The following UBLCP1 variants were observed in gnomAD, a reference collection of about 807,000 sequenced individuals.
UBLCP1 encodes the protein ubiquitin like domain containing CTD phosphatase 1, also known as ubiquitin-like domain-containing CTD phosphatase 1.
UBLCP1 carries 28 observed loss-of-function variants against 42.4 expected under a neutral mutation model. The observed-to-expected ratio is 0.66, with a 90% CI of 0.49 to 0.90. The LOEUF is 0.90. UBLCP1 is among the 40% of genes least tolerant of loss of function. The pLI is 0.00. For missense variants in UBLCP1, 279 were observed against 374.5 expected (o/e 0.75, Z 2.10); for synonymous variants, 122 against 120.8 (o/e 1.01, Z -0.07).
chr5:159,272,236 T>G (rs1211723360), intron 6 of UBLCP1, 115 bp downstream of exon 6: 11 of 836,650 alleles, frequency 1.3e-5, no homozygotes, highest in Non-Finnish European at 2.0e-5. Flanking sequence ...TAGTTTTCAT[T>G]TTTTAGCAAA....
rs1285452627 is a variant in UBLCP1, at chr5:159,284,970, T to G, written c.*39T>G. ...TGGCAGTTATTGAAGATACTTAAGA[T>G]CCAAGAACTTCTTGCTTTTATGCTA... On this transcript the variant is annotated 3_prime_UTR_variant, in exon 11 of 11. Coordinates refer to ENST00000296786, the MANE Select transcript of UBLCP1 (RefSeq NM_145049.5). 3.8e-6 allele frequency: 6 copies of G among 1,597,028 alleles called. No homozygotes were observed. In the African/African-American group the frequency reaches 8.1e-5, roughly 21 times the overall value.
intron 5 of UBLCP1, 138 bp from the exon 6 acceptor site, chr5:159,271,885 A>G (rs1219338908): frequency 1.5e-5 from 8 of 543,546 alleles, no homozygotes; most frequent in Non-Finnish European, 6.3e-6. Context: ...TTGTCAGCCA[A>G]CGTAATTCAG....
rs1163666904 is a variant in UBLCP1, at chr5:159,285,252, G to T, written c.*321G>T. 5.2e-6 allele frequency: 1 copy of T among 192,316 alleles called. No individual in the cohort carries two copies. The highest frequency in any genetic ancestry group is 1.2e-4 in the East Asian group (1 of 8,436). The allele number at this position is 192,316 out of a possible 1,614,324, so 11.9% of individuals were successfully genotyped here. A position where few individuals can be genotyped will look rare whatever the true frequency, so the allele number is the denominator to read the frequency against. On this transcript the variant is annotated 3_prime_UTR_variant, in exon 11 of 11. Coordinates refer to ENST00000296786, the MANE Select transcript of UBLCP1 (RefSeq NM_145049.5). The stretch of plus-strand genomic sequence containing the variant: ...CACACACACACACACACAAAGTGGA[G>T]AAAAATGTATACTCAACAATGTCAT...
chr5:159,281,750 T>C (rs1325037406), intron 9 of UBLCP1, among the ~76,000 whole-genome samples: 1 of 152,178 alleles, frequency 6.6e-6, no homozygotes, highest in Non-Finnish European at 1.5e-5. Context: ...TTAATAGGTA[T>C]GGTAGTAGAC....
At chr5:159,284,562 T>C (rs1753647012) in intron 10 of UBLCP1, among the ~76,000 whole-genome samples, 1 of 152,186 alleles carries the variant, frequency 6.6e-6, no homozygotes, top group South Asian at 2.1e-4. Flanking sequence ...AGTAAGGCAG[T>C]ATGGAGTGGT....
intron 1 of UBLCP1, among the ~76,000 whole-genome samples, chr5:159,263,720 CAGTT>C (rs1191301638): frequency 6.6e-6 from 1 of 152,208 alleles, no homozygotes; most frequent in Non-Finnish European, 1.5e-5. Context: ...TCCCCTAAGT[CAGTT>C]AGCACAGCCC....
chr5:159,263,886 C>G (rs891684901), intron 1 of UBLCP1, among the ~76,000 whole-genome samples: 4 of 152,190 alleles, frequency 2.6e-5, no homozygotes, highest in African/African-American at 4.8e-5. Flanking sequence ...AAAATTTCTT[C>G]ATTTGCCACT....
chr5:159,278,365 C>G lies in UBLCP1; in HGVS notation c.801+11C>G. Reference sequence around the variant, plus strand: ...CAGAATGGACTAAAGGTAAGACATACTTTTACTTGTTATGTGCTCATGTAA... The same window carrying G: ...CAGAATGGACTAAAGGTAAGACATAGTTTTACTTGTTATGTGCTCATGTAA... On this transcript the variant is annotated intron_variant, in intron 9 of 10. Transcript: ENST00000296786. The G allele has an allele frequency of 1.3e-6, 2 of 1,550,706 alleles. No homozygotes were observed. The highest frequency in any genetic ancestry group is 1.8e-6 in the Non-Finnish European group (2 of 1,122,346).
chr5:159,271,879 C>T (rs1753471039), intron 5 of UBLCP1, 144 bp from the exon 6 acceptor site: 1 of 513,942 alleles, frequency 1.9e-6, no homozygotes, highest in East Asian at 3.0e-5. Context: ...ATCTTTTTGT[C>T]AGCCAACGTA....
intron 9 of UBLCP1, 124 bp from the exon 10 acceptor site, chr5:159,283,088 A>G (rs1397957660): frequency 5.1e-5 from 50 of 974,506 alleles, no homozygotes; most frequent in Non-Finnish European, 2.6e-5. Flanking sequence ...TATAAAAGTA[A>G]TTTTTAGTAT....
chr5:159,283,376 C>T, intron 10 of UBLCP1, 37 bp downstream of exon 10: 1 of 1,493,440 alleles, frequency 6.7e-7, no homozygotes, highest in Non-Finnish European at 9.0e-7. Context: ...CTCTTTACAT[C>T]AATGAAGAAA....
At chr5:159,264,143 A>G (rs1028128498) in intron 1 of UBLCP1, among the ~76,000 whole-genome samples, 2 of 152,214 alleles carry the variant, frequency 1.3e-5, no homozygotes, top group Admixed American at 6.5e-5. Context: ...TGTTGAGAAG[A>G]CTGAGGCCAA....
chr5:159,270,619 C>A lies in UBLCP1; in HGVS notation c.424C>A (p.Leu142Ile). The change falls in exon 5 of 11, where the codon CTA becomes ATA. Residue 142 changes from leucine (L) to isoleucine (I), a missense_variant. By Grantham distance (5) the Leu-to-Ile change is conservative. Coordinates refer to ENST00000296786, the MANE Select transcript of UBLCP1 (RefSeq NM_145049.5). ...CAGGGAAGGGAAAAAGCTTTTGGTG[C>A]TAGATGTTGATTATACATTATTTGG... ...PPREGKKLLV[L>I]DVDYTLFDHR... is the part of the protein sequence containing the mutation. 1 of 1,606,502 alleles carries A rather than the reference C, an allele frequency of 6.2e-7. No homozygotes were observed.
In UBLCP1 at chr5:159,284,848, T is replaced by A. The variant is rs908540717; in HGVS notation, c.930-56T>A. ...AACTCCTTTGGGAGCAAAGTTAGGT[T>A]ATCTTCATGAATTTAGCATGATACA... On this transcript the variant is annotated intron_variant, in intron 10 of 10. Coordinates refer to ENST00000296786, the MANE Select transcript of UBLCP1 (RefSeq NM_145049.5). 4.4e-6 allele frequency: 7 copies of A among 1,591,402 alleles called. No homozygotes were observed. In the Admixed American group the frequency reaches 1.2e-4, roughly 27 times the overall value.
rs577431493 is a variant in UBLCP1, at chr5:159,277,426, G to T, written c.685-812G>T. ...TATTACATTCTGTTCTCATAATACCGTAAGACTTCTGTCTTCAGCAAAAGT... is the reference window on the plus strand; with the variant it reads ...TATTACATTCTGTTCTCATAATACCTTAAGACTTCTGTCTTCAGCAAAAGT... On this transcript the variant is annotated intron_variant, in intron 8 of 10. Coordinates refer to ENST00000296786, the MANE Select transcript of UBLCP1 (RefSeq NM_145049.5). 2.6e-5 allele frequency among the ~76,000 whole-genome samples: 4 copies of T among 151,834 alleles called. No individual in the cohort carries two copies. The East Asian group carries it at 7.7e-4, about 29-fold the overall frequency.
chr5:159,279,673 T>C (rs941998179), intron 9 of UBLCP1, among the ~76,000 whole-genome samples: 13 of 152,210 alleles, frequency 8.5e-5, no homozygotes, highest in African/African-American at 3.1e-4. Flanking sequence ...GTATAAAAAC[T>C]GTTGACTTGG....
At position 159,285,375 on chromosome 5, in the gene UBLCP1, T is replaced by TGG. The variant is rs1753664634; in HGVS notation, c.*444_*445insGG. 1 of 152,542 alleles carries TGG rather than the reference T, an allele frequency of 6.6e-6. No homozygotes were observed. Among genetic ancestry groups the TGG allele is most frequent in the Non-Finnish European group, 1.5e-5 (1 of 68,430 alleles). The allele number at this position is 152,542 out of a possible 1,614,324, so 9.4% of individuals were successfully genotyped here. A position where few individuals can be genotyped will look rare whatever the true frequency, so the allele number is the denominator to read the frequency against. ...CAAACCCATGTTGAAACTAGTACTTTTCCCTTTAAAAACAAACCAAAAAAA... is the reference window on the plus strand; with the variant it reads ...CAAACCCATGTTGAAACTAGTACTTTGGTCCCTTTAAAAACAAACCAAAAAAA... On this transcript the variant is annotated 3_prime_UTR_variant, in exon 11 of 11. Coordinates refer to ENST00000296786, the MANE Select transcript of UBLCP1 (RefSeq NM_145049.5).
At chr5:159,275,920 T>C (rs568600864) in intron 8 of UBLCP1, among the ~76,000 whole-genome samples, 1 of 152,226 alleles carries the variant, frequency 6.6e-6, no homozygotes, top group African/African-American at 2.4e-5. Flanking sequence ...AAACTGGTAA[T>C]AAAAGCAGAT....
At chr5:159,274,056 C>A (rs929658438) in intron 6 of UBLCP1, among the ~76,000 whole-genome samples, 8 of 152,140 alleles carry the variant, frequency 5.3e-5, no homozygotes, top group African/African-American at 1.9e-4. Flanking sequence ...GAATTTGTCT[C>A]ATTTCTTGTT....
Sources: gnomAD v4.1 joint callset for allele counts (sites outside exome capture counted in the v4.1 genomes callset) on GRCh38, gnomAD v4.1.1 for gene constraint, MANE v1.5 for transcripts, NCBI Gene and HGNC (gene_info 2026-07-23, HGNC 2026-07-21) for gene names.